SLC1A6: variants seen among roughly 807,000 people sequenced by gnomAD.
SLC1A6 encodes the protein excitatory amino acid transporter 4.
In SLC1A6, 15 loss-of-function variants were observed where a neutral mutation model predicts 42.1. That is an observed-to-expected ratio of 0.36 (90% CI 0.24 to 0.55). The LOEUF (loss-of-function observed/expected upper bound fraction) is 0.55. SLC1A6 is among the 20% of genes least tolerant of loss of function. SLC1A6 has a pLI of 0.88. For missense variants in SLC1A6, 542 were observed against 772.5 expected, an observed-to-expected ratio of 0.70 and a Z score of 3.54; for synonymous variants, 317 against 319.7, an observed-to-expected ratio of 0.99 and a Z score of 0.09.
In SLC1A6 at chr19:14,964,184, T is replaced by C. The variant is rs373970914; in HGVS notation, c.591+135A>G. Reference sequence around the variant, plus strand: ...ACCATGGAAAATACATCCTTTCTCCTAGACTCCTCAAGAACCCCTGCCCAT... The same window carrying C: ...ACCATGGAAAATACATCCTTTCTCCCAGACTCCTCAAGAACCCCTGCCCAT... On this transcript the variant is annotated intron_variant, in intron 5 of 9. Transcript: ENST00000594383. 135 of 736,498 alleles carry C rather than the reference T, an allele frequency of 1.8e-4. No homozygotes were observed. The African/African-American group carries it at 2.1e-3, about 11-fold the overall frequency. The allele number at this position is 736,498 out of a possible 1,614,324, so 45.6% of individuals were successfully genotyped here. A position where few individuals can be genotyped will look rare whatever the true frequency, so the allele number is the denominator to read the frequency against.
At chr19:14,976,702 A>G (rs2045715059) in intron 1 of SLC1A6, 1 of 151,678 alleles carries the variant, frequency 6.6e-6, no homozygotes, top group Non-Finnish European at 1.5e-5. Context: ...TCTACTTCCT[A>G]AGGGATCAAG....
intron 1 of SLC1A6, among the ~76,000 whole-genome samples, chr19:14,998,009 G>GTGTGTA (rs1256436810): frequency 7.1e-6 from 1 of 141,046 alleles, no homozygotes; most frequent in African/African-American, 2.7e-5. Context: ...ATGTTTGTGT[G>GTGTGTA]TGTGTGTGTG....
intron 1 of SLC1A6, among the ~76,000 whole-genome samples, chr19:15,009,537 C>G (rs1244524280): frequency 1.3e-5 from 2 of 151,986 alleles, no homozygotes; most frequent in African/African-American, 2.4e-5. Flanking sequence ...GTTCTCACTT[C>G]TAAGTGGAAG....
Position 14,953,053 on chromosome 19 carries a change from G to A in SLC1A6, c.1374C>T (p.Ala458=), listed in dbSNP as rs2045427868. The A allele has an allele frequency of 6.2e-7, 1 of 1,613,234 alleles. No homozygotes were observed. Among genetic ancestry groups the A allele is most frequent in the South Asian group, 1.1e-5 (1 of 90,990 alleles). The part of the protein sequence containing the change: ...LGQITTISIT[A]TAASVGAAGI... ...CAGCAGCCCCAACACTGGCTGCTGT[G>A]GCCGTGATGCTGCAGGGGGAGGGAG... Residue 458 remains alanine, a synonymous_variant, in exon 9 of 10, where the codon GCC becomes GCT. Coordinates refer to ENST00000594383, the MANE Select transcript of SLC1A6 (RefSeq NM_005071.3).
intron 9 of SLC1A6, among the ~76,000 whole-genome samples, chr19:14,951,514 T>TGTTTTG (rs748249882): frequency 2.0e-5 from 3 of 148,140 alleles, no homozygotes; most frequent in Admixed American, 2.0e-4. Flanking sequence ...TGCTGGTTTT[T>TGTTTTG]GTTTTTGTTT....
intron 1 of SLC1A6, among the ~76,000 whole-genome samples, chr19:14,985,025 G>C (rs1481536731): frequency 6.6e-6 from 1 of 152,122 alleles, no homozygotes; most frequent in Non-Finnish European, 1.5e-5. Context: ...GGGATTACAG[G>C]TGCGTGCCAC....
intron 1 of SLC1A6, among the ~76,000 whole-genome samples, chr19:14,990,769 C>CA (rs759095850): frequency 4.2e-5 from 3 of 70,688 alleles, no homozygotes; most frequent in African/African-American, 1.3e-4. Context: ...GACTCTGTCT[C>CA]AAAAAACAAA....
intron 1 of SLC1A6, among the ~76,000 whole-genome samples, chr19:15,009,478 C>T (rs1442401822): frequency 3.3e-5 from 5 of 151,998 alleles, no homozygotes; most frequent in Admixed American, 6.6e-5. Flanking sequence ...AACTAGAGGC[C>T]ATTATCTTAA....
intron 1 of SLC1A6, among the ~76,000 whole-genome samples, chr19:15,004,895 T>C (rs1401878130): frequency 6.6e-6 from 1 of 152,148 alleles, no homozygotes; most frequent in Non-Finnish European, 1.5e-5. Flanking sequence ...AACATCACTG[T>C]TTCTGTTCAG....
intron 1 of SLC1A6, 53 bp from the exon 2 acceptor site, chr19:14,972,970 C>T (rs949834419): frequency 7.9e-5 from 112 of 1,411,176 alleles, no homozygotes; most frequent in East Asian, 2.5e-5. Flanking sequence ...AGAAGGCCGG[C>T]GTGGGCAGAT....
intron 4 of SLC1A6, among the ~76,000 whole-genome samples, chr19:14,968,061 A>C (rs773639206): frequency 5.3e-5 from 8 of 152,184 alleles, no homozygotes; most frequent in Non-Finnish European, 7.4e-5. Context: ...TGCATGCATC[A>C]GGGCCACCTA....
chr19:14,998,964 G>A (rs913332328), intron 1 of SLC1A6, among the ~76,000 whole-genome samples: 15 of 151,904 alleles, frequency 9.9e-5, no homozygotes, highest in Middle Eastern at 6.8e-3. Flanking sequence ...TGCAGCCTCC[G>A]CCTCCTGGGT....
chr19:14,971,200 T>C (rs1032015358), intron 3 of SLC1A6, among the ~76,000 whole-genome samples: 10 of 152,174 alleles, frequency 6.6e-5, no homozygotes, highest in Admixed American at 6.5e-4. Flanking sequence ...AACACCCAAA[T>C]TGTTCAAGGG....
chr19:14,983,736 A>C (rs1216825211), upstream of SLC1A6, among the ~76,000 whole-genome samples: 2 of 150,942 alleles, frequency 1.3e-5, no homozygotes, highest in Non-Finnish European at 3.0e-5. Context: ...AAAAAAAAAA[A>C]AAAAAAGGCT....
chr19:14,968,610 C>T, intron 3 of SLC1A6, 103 bp from the exon 4 acceptor site: 2 of 987,538 alleles, frequency 2.0e-6, no homozygotes, highest in Non-Finnish European at 1.5e-6. Context: ...AACAGCCGAC[C>T]CACCAAGCAT....
chr19:14,950,335 T>C lies in SLC1A6; in HGVS notation c.1555A>G (p.Ile519Val), dbSNP rs1417938883. 9 of 1,611,252 alleles carry C rather than the reference T, an allele frequency of 5.6e-6. No homozygotes were observed. The highest frequency in any genetic ancestry group is 7.6e-6 in the Non-Finnish European group (9 of 1,178,490). Residue 519 changes from isoleucine (I) to valine (V), a missense_variant, in exon 10 of 10, where the codon ATC becomes GTC. By Grantham distance (29) the Ile-to-Val change is conservative (BLOSUM62 3). Coordinates refer to ENST00000594383, the MANE Select transcript of SLC1A6 (RefSeq NM_005071.3). ...VLGDSIGAAV[I>V]EHLSQRELEL... ...AGCTCCCGCTGAGACAAGTGCTCGA[T>C]GACGGCCGCTCCAATTGAGTCCCCC... is the stretch of plus-strand genomic sequence containing the variant.
At chr19:14,999,907 C>CAT (rs1194980826) in intron 1 of SLC1A6, among the ~76,000 whole-genome samples, 3 of 151,910 alleles carry the variant, frequency 2.0e-5, no homozygotes, top group Non-Finnish European at 4.4e-5. Context: ...TGGTTTGTTA[C>CAT]ATATATATAC....
intron 6 of SLC1A6, 26 bp from the exon 7 acceptor site, chr19:14,956,735 C>T: frequency 6.6e-7 from 1 of 1,507,110 alleles, no homozygotes; most frequent in Non-Finnish European, 9.2e-7. Context: ...ACATACCTGT[C>T]AGGGCTCCCT....
chr19:14,966,547 T>C (rs2045575833), intron 4 of SLC1A6, among the ~76,000 whole-genome samples: 1 of 152,048 alleles, frequency 6.6e-6, no homozygotes. Context: ...ATAATAAAAA[T>C]AAAAAATCAA....
Sources: allele counts gnomAD v4.1 joint callset (sites outside exome capture counted in the v4.1 genomes callset), GRCh38; gene constraint gnomAD v4.1.1; transcripts MANE v1.5; gene names NCBI Gene and HGNC (gene_info 2026-07-23, HGNC 2026-07-21).